Variants in ATP10B observed in about 807,000 individuals in gnomAD.
ATP10B encodes ATPase phospholipid transporting 10B (putative).
A neutral mutation model predicts 141.2 loss-of-function variants in ATP10B; 122 were observed. That is an observed-to-expected ratio of 0.86 (90% CI 0.75 to 1.00). The LOEUF (loss-of-function observed/expected upper bound fraction) is 1.00. Ranked by LOEUF, ATP10B falls within the 50% of genes least tolerant of loss-of-function variation. The pLI is 0.00. For missense variants in ATP10B, 1,876 were observed against 1,825.3 expected, an observed-to-expected ratio of 1.03 and a Z score of -0.51; for synonymous variants, 685 against 692.0, an observed-to-expected ratio of 0.99 and a Z score of 0.16.
intron 16 of ATP10B, among the ~76,000 whole-genome samples, chr5:160,616,520 G>A (rs1286897149): frequency 6.6e-6 from 1 of 152,164 alleles, no homozygotes; most frequent in Admixed American, 6.5e-5. Flanking sequence ...CAGAAATGAG[G>A]CTGGAAAGAA....
the ATP10B span, among the ~76,000 whole-genome samples, chr5:160,882,462 T>C: frequency 4.6e-5 from 7 of 152,104 alleles, no homozygotes; most frequent in African/African-American, 1.7e-4. Context: ...TTATTTTTTT[T>C]GTAGAGATGG....
the ATP10B span, among the ~76,000 whole-genome samples, chr5:160,911,240 T>C: frequency 1.3e-5 from 2 of 152,222 alleles, no homozygotes; most frequent in African/African-American, 4.8e-5. Context: ...ACAAAGGAGA[T>C]ACAACTCAAA....
rs551980325 is a variant in ATP10B at position 160,778,512 on chromosome 5, G to A, written c.-331+7047C>T. 3.9e-5 allele frequency among the ~76,000 whole-genome samples: 6 copies of A among 152,252 alleles called. No individual in the cohort carries two copies. In the South Asian group the frequency reaches 1.2e-3, roughly 32 times the overall value. ...CCCCTCTTTTTTAAGTATCTGGGCA[G>A]CAGAAGCATCCAACTCTATCCCATA... On this transcript the variant is annotated intron_variant, in intron 2 of 25. Transcript: ENST00000327245.
At chr5:160,574,441 A>T (rs565158471) in intron 24 of ATP10B, among the ~76,000 whole-genome samples, 11 of 151,902 alleles carry the variant, frequency 7.2e-5, no homozygotes, top group Admixed American at 2.6e-4. Context: ...CTCAAAAAAA[A>T]TTTTTTTTCT....
intron 1 of ATP10B, among the ~76,000 whole-genome samples, chr5:160,832,090 G>T (rs1031261858): frequency 4.7e-5 from 7 of 148,922 alleles, no homozygotes; most frequent in African/African-American, 1.5e-4. Flanking sequence ...CAAGTAATCA[G>T]AACATCCAAG....
At position 160,620,649 on chromosome 5, in the gene ATP10B, G is replaced by A. The variant is rs1758277039; in HGVS notation, c.2114C>T (p.Ala705Val). The A allele has an allele frequency of 6.2e-7, 1 of 1,613,410 alleles. No homozygotes were observed. Among genetic ancestry groups the A allele is most frequent in the Non-Finnish European group, 8.5e-7 (1 of 1,179,444 alleles). Residue 705 changes from alanine (A) to valine (V), a missense_variant, in exon 15 of 26, where the codon GCC becomes GTC. Coordinates refer to ENST00000327245, the MANE Select transcript of ATP10B (RefSeq NM_025153.3). The stretch of plus-strand genomic sequence containing the variant: ...AGGCCTGGCCAGGTCTGTGGCTGGG[G>A]CCTCCAATGCCTCCTCCAAGGAAGT... ...SGTSLEEALE[A>V]PATDLARPEF...
At chr5:160,647,307 C>T (rs1180760336) in intron 8 of ATP10B, among the ~76,000 whole-genome samples, 1 of 152,110 alleles carries the variant, frequency 6.6e-6, no homozygotes, top group Non-Finnish European at 1.5e-5. Flanking sequence ...GGGTGCCAGG[C>T]CTGAGGGTGT....
At chr5:160,811,281 C>T (rs192468162) in intron 1 of ATP10B, among the ~76,000 whole-genome samples, 1 of 152,290 alleles carries the variant, frequency 6.6e-6, no homozygotes, top group Non-Finnish European at 1.5e-5. Flanking sequence ...GAGGTTCCTT[C>T]TGCTTGAGAA....
intron 1 of ATP10B, among the ~76,000 whole-genome samples, chr5:160,822,989 CATATATATATACAT>C (rs1179913686): frequency 0.027 from 1,849 of 69,642 alleles, 40 homozygotes; most frequent in South Asian, 0.065. Flanking sequence ...ATTACATATA[CATATATATATACAT>C]ATATATATAT....
At chr5:160,838,258 A>T (rs1437607641) in intron 1 of ATP10B, among the ~76,000 whole-genome samples, 1 of 152,162 alleles carries the variant, frequency 6.6e-6, no homozygotes, top group East Asian at 1.9e-4. Context: ...TTTATCCTAG[A>T]TTCCTGTTAA....
At chr5:160,768,920 A>G (rs1769679132) in intron 2 of ATP10B, among the ~76,000 whole-genome samples, 1 of 152,206 alleles carries the variant, frequency 6.6e-6, no homozygotes, top group Non-Finnish European at 1.5e-5. Context: ...ACAGTGTGAC[A>G]GGTGAACTCT....
At chr5:160,794,887 TTTATTG>T (rs1394123922) in intron 1 of ATP10B, among the ~76,000 whole-genome samples, 1 of 152,210 alleles carries the variant, frequency 6.6e-6, no homozygotes, top group African/African-American at 2.4e-5. Flanking sequence ...AATAGCACTC[TTTATTG>T]TTATTGTTGT....
chr5:160,879,377 G>C, the ATP10B span, among the ~76,000 whole-genome samples: 2 of 110,122 alleles, frequency 1.8e-5, no homozygotes, highest in Non-Finnish European at 3.7e-5. Context: ...CACACTCTGG[G>C]GACTGTGGTG....
rs138433771 is a variant in ATP10B, at chr5:160,690,068, C to A, written c.-204-1125G>T. On this transcript the variant is annotated intron_variant, in intron 3 of 25. Transcript: ENST00000327245. ...AATAATGCCACACATCTACAACCAT[C>A]TGATCTTTGACAAACCTGACAAAAA... 8.0e-4 allele frequency among the ~76,000 whole-genome samples: 122 copies of A among 152,146 alleles called. 5 individuals carry two copies. Among genetic ancestry groups the A allele is most frequent in the African/African-American group, 2.5e-3 (105 of 41,414 alleles).
At chr5:160,736,687 G>T (rs975692191) in intron 2 of ATP10B, among the ~76,000 whole-genome samples, 1 of 152,160 alleles carries the variant, frequency 6.6e-6, no homozygotes, top group African/African-American at 2.4e-5. Context: ...TTGAACCTGG[G>T]GGGCAGAGGT....
intron 2 of ATP10B, among the ~76,000 whole-genome samples, chr5:160,781,481 T>C (rs1770710917): frequency 2.0e-5 from 3 of 152,166 alleles, no homozygotes; most frequent in South Asian, 2.1e-4. Context: ...AGACATTAAG[T>C]GAGTTAGGGA....
intron 6 of ATP10B, among the ~76,000 whole-genome samples, chr5:160,670,960 T>G (rs964762033): frequency 1.3e-5 from 2 of 151,358 alleles, no homozygotes; most frequent in South Asian, 4.2e-4. Context: ...AGGTCAGGAG[T>G]TCGAGACCAG....
the ATP10B span, among the ~76,000 whole-genome samples, chr5:160,899,275 G>A: frequency 6.6e-6 from 1 of 152,076 alleles, no homozygotes; most frequent in Admixed American, 6.6e-5. Flanking sequence ...AATACTGTGA[G>A]CACCCCTTCT....
chr5:160,909,066 G>T, the ATP10B span, among the ~76,000 whole-genome samples: 1 of 152,164 alleles, frequency 6.6e-6, no homozygotes, highest in East Asian at 1.9e-4. Context: ...TATGGCACCT[G>T]CTCACCTTAA....
Sources: gnomAD v4.1 joint callset for allele counts (sites outside exome capture counted in the v4.1 genomes callset) on GRCh38, gnomAD v4.1.1 for gene constraint, MANE v1.5 for transcripts, NCBI Gene and HGNC (gene_info 2026-07-23, HGNC 2026-07-21) for gene names.